Variants in IRF8 observed in about 807,000 individuals in gnomAD.
IRF8 encodes interferon regulatory factor 8.
Under a neutral mutation model 48.7 loss-of-function variants are expected in IRF8, and 14 were observed. That is an observed-to-expected ratio of 0.29 (90% confidence interval 0.19 to 0.45). The LOEUF (loss-of-function observed/expected upper bound fraction) is 0.45. Ranked by LOEUF, IRF8 falls within the 20% of genes least tolerant of loss-of-function variation. The pLI is 1.00. For missense variants in IRF8, 493 were observed against 580.7 expected, an observed-to-expected ratio of 0.85 and a Z score of 1.55; for synonymous variants, 278 against 227.3, an observed-to-expected ratio of 1.22 and a Z score of -2.01.
In IRF8 at chr16:85,920,676, G is replaced by A. The variant is rs149759060; in HGVS notation, c.1105-430G>A. On this transcript the variant is annotated intron_variant, in intron 8 of 8. Coordinates refer to ENST00000268638, the MANE Select transcript of IRF8 (RefSeq NM_002163.4). ...GCCTGGGCAAGACCTTCAATATGCG[G>A]GAAGCGGATTCTTGCCATCTCCGAG... Among the ~76,000 whole-genome samples, 414 of 152,324 alleles carry A rather than the reference G, an allele frequency of 2.7e-3. 2 individuals are homozygous for A. The highest frequency in any genetic ancestry group is 9.3e-3 in the African/African-American group (386 of 41,580).
chr16:85,906,032 A>G (rs1050086831), intron 2 of IRF8, among the ~76,000 whole-genome samples: 1 of 152,232 alleles, frequency 6.6e-6, no homozygotes, highest in African/African-American at 2.4e-5. Flanking sequence ...TTTAAAAAGT[A>G]CTTTACCTTC....
intron 6 of IRF8, among the ~76,000 whole-genome samples, chr16:85,915,900 G>A (rs563073706): frequency 6.0e-4 from 92 of 152,300 alleles, no homozygotes; most frequent in African/African-American, 2.1e-3. Flanking sequence ...TAGAAGCTGT[G>A]AGCTTTGGTA....
chr16:85,915,438 G>A (rs1158172523), intron 6 of IRF8, among the ~76,000 whole-genome samples: 1 of 152,244 alleles, frequency 6.6e-6, no homozygotes, highest in Non-Finnish European at 1.5e-5. Context: ...GGTAGCAGAG[G>A]TCGGTGCTCA....
chr16:85,910,810 C>G (rs440222), intron 3 of IRF8, among the ~76,000 whole-genome samples: 6 of 152,264 alleles, frequency 3.9e-5, no homozygotes, highest in Admixed American at 2.6e-4. Flanking sequence ...TTTAATCTAT[C>G]GAAATGGAAT....
At chr16:85,909,346 G>C in intron 3 of IRF8, 173 bp downstream of exon 3, 1 of 669,284 alleles carries the variant, frequency 1.5e-6, no homozygotes, top group Admixed American at 2.2e-5. Context: ...AGTGACCTCA[G>C]AGGGAAGGGC....
In IRF8 at chr16:85,920,041, C is replaced by T. The variant is rs2143054513; in HGVS notation, c.989-68C>T. 7 of 1,140,518 alleles carry T rather than the reference C, an allele frequency of 6.1e-6. No individual in the cohort carries two copies. The Admixed American group carries it at 1.3e-4, about 21-fold the overall frequency. 70.6% of individuals were successfully genotyped at this position (1,140,518 alleles called of 1,614,324 possible). On this transcript the variant is annotated intron_variant, in intron 7 of 8. Transcript: ENST00000268638. ...CCCTGGGCCTCCTGATCCCCCAGCC[C>T]TGCTGCTGCGGGAGTTGGAGGTCAT...
At chr16:85,920,531 C>T (rs538541417) in intron 8 of IRF8, among the ~76,000 whole-genome samples, 8 of 152,264 alleles carry the variant, frequency 5.3e-5, no homozygotes, top group African/African-American at 1.9e-4. Context: ...AGCCACCTCG[C>T]CCGGCAGTCT....
chr16:85,909,395 C>T (rs1905084255), intron 3 of IRF8: 3 of 568,284 alleles, frequency 5.3e-6, no homozygotes, highest in Non-Finnish European at 6.3e-6. Context: ...GCCCCACTTG[C>T]TGCCTGACCA....
chr16:85,918,943 G>A (rs1905432510), intron 7 of IRF8, 140 bp downstream of exon 7: 3 of 1,123,362 alleles, frequency 2.7e-6, no homozygotes, highest in Non-Finnish European at 3.9e-6. Flanking sequence ...TGGCAAGGAG[G>A]TGCTCCTTTG....
At chr16:85,900,112 C>A (rs56196648) in intron 1 of IRF8, among the ~76,000 whole-genome samples, 5,418 of 152,216 alleles carry the variant, frequency 0.036, 158 homozygotes, top group Non-Finnish European at 0.057. Context: ...AAGGTTGGTG[C>A]CAGAGAGAGA....
In IRF8 at chr16:85,922,384, G is replaced by A; in HGVS notation, c.*1102G>A. 6.6e-6 allele frequency: 1 copy of A among 152,450 alleles called. No individual in the cohort carries two copies. Among genetic ancestry groups the A allele is most frequent in the East Asian group, 1.9e-4 (1 of 5,326 alleles). The allele number at this position is 152,450 out of a possible 1,614,324, so 9.4% of individuals were successfully genotyped here. A position where few individuals can be genotyped will look rare whatever the true frequency, so the allele number is the denominator to read the frequency against. On this transcript the variant is annotated 3_prime_UTR_variant, in exon 9 of 9. Coordinates refer to ENST00000268638, the MANE Select transcript of IRF8 (RefSeq NM_002163.4). ...CAGGCGAATAGAGGAGAGGACCAGG[G>A]GACGTGGCTTGTCCCTTTTGTCCAA...
intron 6 of IRF8, among the ~76,000 whole-genome samples, chr16:85,915,067 C>T (rs987700820): frequency 6.6e-6 from 1 of 152,204 alleles, no homozygotes; most frequent in Non-Finnish European, 1.5e-5. Flanking sequence ...CTCAGGCTCC[C>T]CTGCCCACCA....
chr16:85,914,115 C>G, intron 5 of IRF8: 1 of 336,760 alleles, frequency 3.0e-6, no homozygotes, highest in Non-Finnish European at 5.8e-6. Context: ...CACCCCCAGG[C>G]TCTCCCCCAG....
chr16:85,918,945 G>C, intron 7 of IRF8, 142 bp downstream of exon 7: 1 of 1,117,028 alleles, frequency 9.0e-7, no homozygotes. Context: ...GCAAGGAGGT[G>C]CTCCTTTGAA....
At chr16:85,901,561 C>T (rs370634163) in intron 1 of IRF8, among the ~76,000 whole-genome samples, 77 of 152,210 alleles carry the variant, frequency 5.1e-4, no homozygotes, top group African/African-American at 1.5e-3. Context: ...CAGGCTGCCG[C>T]GAGCTATGAT....
intron 1 of IRF8, 190 bp from the exon 2 acceptor site, chr16:85,902,824 AG>A (rs1904867651): frequency 1.5e-6 from 1 of 653,332 alleles, no homozygotes; most frequent in African/African-American, 1.8e-5. Context: ...GTTTGCACTC[AG>A]GGCTGTGAGG....
At chr16:85,912,066 G>A (rs530015693) in intron 4 of IRF8, among the ~76,000 whole-genome samples, 5 of 152,342 alleles carry the variant, frequency 3.3e-5, no homozygotes, top group Admixed American at 6.5e-5. Context: ...TCATGATGGC[G>A]GGTGTTGTTG....
intron 8 of IRF8, among the ~76,000 whole-genome samples, chr16:85,920,832 G>T (rs1905534228): frequency 6.6e-6 from 1 of 152,220 alleles, no homozygotes; most frequent in Non-Finnish European, 1.5e-5. Flanking sequence ...CTAAGTGACA[G>T]ATTAGGGCAT....
chr16:85,915,552 C>G (rs1905276777), intron 6 of IRF8, among the ~76,000 whole-genome samples: 1 of 152,230 alleles, frequency 6.6e-6, no homozygotes, highest in Non-Finnish European at 1.5e-5. Context: ...TCCGGCTTCA[C>G]AGATGAGGAG....
Sources: gnomAD v4.1 joint callset for allele counts (sites outside exome capture counted in the v4.1 genomes callset) on GRCh38, gnomAD v4.1.1 for gene constraint, MANE v1.5 for transcripts, NCBI Gene and HGNC (gene_info 2026-07-23, HGNC 2026-07-21) for gene names.